Variants in PCCA observed in about 807,000 individuals in gnomAD.
The protein encoded by PCCA is propionyl-CoA carboxylase alpha chain, mitochondrial.
A neutral mutation model predicts 101.3 loss-of-function variants in PCCA; 74 were observed. That is an observed-to-expected ratio of 0.73 (90% CI 0.61 to 0.89). PCCA has a LOEUF of 0.89. Among genes scored for constraint, PCCA ranks in the 40% least tolerant of loss-of-function variants. The probability of loss-of-function intolerance (pLI) is 0.00; values close to 1 mark genes in which losing one functional copy is unlikely to be tolerated. For missense variants in PCCA, 891 were observed against 907.0 expected, an observed-to-expected ratio of 0.98 and a Z score of 0.23; for synonymous variants, 294 against 313.6, an observed-to-expected ratio of 0.94 and a Z score of 0.66.
At chr13:100,512,903 G>C (rs936065738) in intron 21 of PCCA, among the ~76,000 whole-genome samples, 1 of 152,232 alleles carries the variant, frequency 6.6e-6, no homozygotes, top group East Asian at 1.9e-4. Flanking sequence ...CATTCCTGAA[G>C]TCTCACAAAG....
chr13:100,310,005 T>TAGTGAGCAAATGTGCTG, intron 16 of PCCA, 97 bp downstream of exon 16: 2 of 869,718 alleles, frequency 2.3e-6, no homozygotes, highest in Non-Finnish European at 3.9e-6. Flanking sequence ...GCACAGCACA[T>TAGTGAGCAAATGTGCTG]TTGCTCACTA....
chr13:100,098,718 A>G (rs776721858), intron 1 of PCCA, among the ~76,000 whole-genome samples: 2 of 152,160 alleles, frequency 1.3e-5, no homozygotes, highest in Non-Finnish European at 2.9e-5. Context: ...GTTGACATGT[A>G]TAGTTTCCTG....
At chr13:100,097,518 G>A (rs1179215841) in intron 1 of PCCA, among the ~76,000 whole-genome samples, 3 of 152,082 alleles carry the variant, frequency 2.0e-5, no homozygotes, top group African/African-American at 4.8e-5. Flanking sequence ...TCGGGAGTTC[G>A]AGACCAGCCT....
At chr13:100,393,178 C>T (rs903745725) in intron 19 of PCCA, among the ~76,000 whole-genome samples, 1 of 152,070 alleles carries the variant, frequency 6.6e-6, no homozygotes, top group Non-Finnish European at 1.5e-5. Flanking sequence ...AAGAAAAAAA[C>T]ACGATTGCTC....
At chr13:100,090,688 A>G (rs1285229785) in intron 1 of PCCA, among the ~76,000 whole-genome samples, 2 of 152,178 alleles carry the variant, frequency 1.3e-5, no homozygotes, top group African/African-American at 4.8e-5. Flanking sequence ...AATAAAATAG[A>G]GGGATTTGAC....
chr13:100,428,683 A>C (rs926403857), intron 20 of PCCA, among the ~76,000 whole-genome samples: 4 of 152,018 alleles, frequency 2.6e-5, no homozygotes, highest in African/African-American at 7.2e-5. Context: ...TGTTGGACCC[A>C]CCCATAGCTT....
At position 100,423,847 on chromosome 13, in the gene PCCA, G is replaced by A. The variant is rs145152407; in HGVS notation, c.1747-1786G>A. Among the ~76,000 whole-genome samples, 78 of 152,340 alleles carry A rather than the reference G, an allele frequency of 5.1e-4. 1 individual carries two copies. The highest frequency in any genetic ancestry group is 1.8e-3 in the African/African-American group (74 of 41,574). ...TGGGAATGATGCTTAGATCTGCCTC[G>A]CGGCGCTGGCATGGGGAGAACGTAG... On this transcript the variant is annotated intron_variant, in intron 19 of 23. Coordinates refer to ENST00000376285, the MANE Select transcript of PCCA (RefSeq NM_000282.4).
At chr13:100,521,644 AGCAG>A (rs56763382) in intron 22 of PCCA, among the ~76,000 whole-genome samples, 13,533 of 152,168 alleles carry the variant, frequency 0.089, 1,913 homozygotes, top group African/African-American at 0.3. Context: ...ATCAGATGCG[AGCAG>A]GCAGTGCCTT....
intron 7 of PCCA, among the ~76,000 whole-genome samples, chr13:100,225,636 A>G (rs761423136): frequency 2.0e-5 from 3 of 152,216 alleles, no homozygotes; most frequent in African/African-American, 7.2e-5. Context: ...ATTAGAAAGT[A>G]TAACATTAAA....
At position 100,359,336 on chromosome 13, in the gene PCCA, C is replaced by A. The variant is rs954021518; in HGVS notation, c.1644-9136C>A. On this transcript the variant is annotated intron_variant, in intron 18 of 23. Coordinates refer to ENST00000376285, the MANE Select transcript of PCCA (RefSeq NM_000282.4). ...TACAGTATTATCCTGGAGATCCTAG[C>A]CAGTGCAGTTGGAAAGAAAAGAATA... is the stretch of plus-strand genomic sequence containing the variant. 3.3e-5 allele frequency among the ~76,000 whole-genome samples: 5 copies of A among 151,980 alleles called. No individual in the cohort carries two copies. In the East Asian group the frequency reaches 7.8e-4, roughly 24 times the overall value.
intron 22 of PCCA, among the ~76,000 whole-genome samples, chr13:100,521,579 CAG>C (rs1039006065): frequency 3.9e-5 from 6 of 152,228 alleles, no homozygotes; most frequent in African/African-American, 1.2e-4. Flanking sequence ...CAGGAAATAT[CAG>C]GGGATATTTA....
intron 19 of PCCA, among the ~76,000 whole-genome samples, chr13:100,407,245 T>C (rs1050895169): frequency 2.0e-5 from 3 of 152,244 alleles, no homozygotes; most frequent in African/African-American, 7.2e-5. Context: ...GGCAATCCCA[T>C]GTAAACTAAA....
chr13:100,419,580 A>G (rs1445202871), intron 19 of PCCA, among the ~76,000 whole-genome samples: 1 of 152,258 alleles, frequency 6.6e-6, no homozygotes, highest in Non-Finnish European at 1.5e-5. Flanking sequence ...GTATGGTAAG[A>G]AAATAGCTGC....
At chr13:100,425,419 C>T (rs779247410) in intron 19 of PCCA, among the ~76,000 whole-genome samples, 3 of 152,206 alleles carry the variant, frequency 2.0e-5, no homozygotes, top group South Asian at 2.1e-4. Context: ...CCTCAGTACC[C>T]GGAGGCAGCT....
In PCCA at chr13:100,209,576, A is replaced by G. The variant is rs1411547565; in HGVS notation, c.600+113A>G. 4 of 789,854 alleles carry G rather than the reference A, an allele frequency of 5.1e-6. No individual in the cohort carries two copies. The African/African-American group carries it at 6.8e-5, about 13-fold the overall frequency. The allele number at this position is 789,854 out of a possible 1,614,324, so 48.9% of individuals were successfully genotyped here. On this transcript the variant is annotated intron_variant, in intron 7 of 23. Transcript: ENST00000376285. The stretch of plus-strand genomic sequence containing the variant: ...TTGGGATATACACACACACACACAC[A>G]TATGCACGCACATACATACATGTAT...
intron 4 of PCCA, among the ~76,000 whole-genome samples, chr13:100,144,077 A>C (rs1263275534): frequency 6.6e-6 from 1 of 151,782 alleles, no homozygotes; most frequent in Non-Finnish European, 1.5e-5. Context: ...GATATTTCTG[A>C]TGTCTTTAAA....
intron 21 of PCCA, among the ~76,000 whole-genome samples, chr13:100,499,421 G>T (rs932434057): frequency 2.6e-5 from 4 of 152,234 alleles, no homozygotes; most frequent in African/African-American, 9.6e-5. Flanking sequence ...GTTTGACAGA[G>T]AAACTTTTGC....
chr13:100,500,333 C>A (rs78615380), intron 21 of PCCA, among the ~76,000 whole-genome samples: 2 of 152,130 alleles, frequency 1.3e-5, no homozygotes, highest in Non-Finnish European at 2.9e-5. Flanking sequence ...GAGACCAGAA[C>A]TCTCCTTAAG....
At chr13:100,388,576 A>G (rs1310081491) in intron 19 of PCCA, among the ~76,000 whole-genome samples, 1 of 152,140 alleles carries the variant, frequency 6.6e-6, no homozygotes, top group African/African-American at 2.4e-5. Flanking sequence ...TGGGCAGATC[A>G]CCTGAGATCA....
Sources: allele counts gnomAD v4.1 joint callset (sites outside exome capture counted in the v4.1 genomes callset), GRCh38; gene constraint gnomAD v4.1.1; transcripts MANE v1.5; gene names NCBI Gene and HGNC (gene_info 2026-07-23, HGNC 2026-07-21).